Variants in KMT2A observed in about 807,000 individuals in gnomAD.
KMT2A encodes the protein histone-lysine N-methyltransferase 2A.
Under a neutral mutation model 345.3 loss-of-function variants are expected in KMT2A, and 16 were observed. That is an observed-to-expected ratio of 0.05 (90% confidence interval 0.03 to 0.07). The LOEUF is 0.07. Among genes scored for constraint, KMT2A ranks in the 10% least tolerant of loss-of-function variants. KMT2A has a pLI of 1.00. For synonymous variants in KMT2A, 1,599 were observed against 1,778.6 expected, an observed-to-expected ratio of 0.90 and a Z score of 2.54; for missense variants, 3,272 against 4,841.6, an observed-to-expected ratio of 0.68 and a Z score of 9.62.
chr11:118,500,961 T>C, intron 24 of KMT2A, 26 bp from the exon 25 acceptor site: 2 of 1,593,040 alleles, frequency 1.3e-6, no homozygotes, highest in Non-Finnish European at 1.7e-6. Context: ...TCCCTTATGA[T>C]GATTTTCCCA....
intron 31 of KMT2A, among the ~76,000 whole-genome samples, chr11:118,518,721 G>A (rs1555052394): frequency 6.8e-6 from 1 of 146,114 alleles, no homozygotes; most frequent in South Asian, 2.2e-4. Flanking sequence ...AGGTGGAGTT[G>A]TAGCGAGCTG....
intron 1 of KMT2A, among the ~76,000 whole-genome samples, chr11:118,462,083 A>G (rs1555032812): frequency 6.6e-6 from 1 of 152,138 alleles, no homozygotes; most frequent in East Asian, 1.9e-4. Flanking sequence ...CCTCCCGAGT[A>G]GCTGGGACTA....
chr11:118,522,198 A>C lies in KMT2A; in HGVS notation c.*26A>C. On this transcript the variant is annotated 3_prime_UTR_variant, in exon 36 of 36. Coordinates refer to ENST00000534358, the MANE Select transcript of KMT2A (RefSeq NM_001197104.2). The surrounding 1 kb of genome is among the most constrained non-coding windows in gnomAD (Gnocchi z 5.4). ...AGCTGCTCTTCTCCCCCAGTGTTGG[A>C]GTGCAAGGAGGCGGGGCCATCCAAA... The C allele has an allele frequency of 6.2e-7, 1 of 1,609,496 alleles. No individual in the cohort carries two copies. The highest frequency in any genetic ancestry group is 8.5e-7 in the Non-Finnish European group (1 of 1,176,384).
Position 118,526,657 on chromosome 11 carries a change from A to ACTTT in KMT2A, c.*4486_*4489dup. 4.3e-6 allele frequency: 1 copy of ACTTT among 231,862 alleles called. No homozygotes were observed. The highest frequency in any genetic ancestry group is 8.5e-6 in the Non-Finnish European group (1 of 117,250). The allele number at this position is 231,862 out of a possible 1,614,324, so 14.4% of individuals were successfully genotyped here. On this transcript the variant is annotated 3_prime_UTR_variant, in exon 36 of 36. Coordinates refer to ENST00000534358, the MANE Select transcript of KMT2A (RefSeq NM_001197104.2). ...CCCTGTGACAGGGATGAAGGAAAAT[A>ACTTT]CTTTAATAGTTCAAAAAATAATAAT...
intron 25 of KMT2A, among the ~76,000 whole-genome samples, 174 bp downstream of exon 25, chr11:118,501,321 A>G (rs1294809131): frequency 3.3e-5 from 5 of 152,050 alleles, no homozygotes; most frequent in Non-Finnish European, 5.9e-5. Context: ...TTAGCCAGGC[A>G]TGGTGGCAGG....
chr11:118,488,446 G>A lies in KMT2A; in HGVS notation c.4333-168G>A, dbSNP rs572126. 0.74 allele frequency: 524,309 copies of A among 706,098 alleles called. 200,218 individuals are homozygous for A. Among genetic ancestry groups the A allele is most frequent in the Admixed American group, 0.87 (41,622 of 47,898 alleles). The allele number at this position is 706,098 out of a possible 1,614,324, so 43.7% of individuals were successfully genotyped here. On this transcript the variant is annotated intron_variant, in intron 10 of 35. Coordinates refer to ENST00000534358, the MANE Select transcript of KMT2A (RefSeq NM_001197104.2). ...ACTTTAGTACTCTGAATCTCCCGCA[G>A]TGTCCAATACTGTACTTTTTTACAT...
Position 118,477,951 on chromosome 11 carries a change from C to A in KMT2A, c.3335-16C>A. On this transcript the variant is annotated splice_polypyrimidine_tract_variant and intron_variant, in intron 4 of 35. Coordinates refer to ENST00000534358, the MANE Select transcript of KMT2A (RefSeq NM_001197104.2). ...TTCAGTACTCCCTTGGAACTAATGC[C>A]ACATTTCTTTAACAGACAAGTCATC... 6.2e-7 allele frequency: 1 copy of A among 1,607,422 alleles called. No individual in the cohort carries two copies. The highest frequency in any genetic ancestry group is 8.5e-7 in the Non-Finnish European group (1 of 1,174,218).
chr11:118,504,496 G>A lies in KMT2A; in HGVS notation c.8604G>A (p.Glu2868=). The A allele has an allele frequency of 6.2e-7, 1 of 1,614,200 alleles. No individual in the cohort carries two copies. The highest frequency in any genetic ancestry group is 8.5e-7 in the Non-Finnish European group (1 of 1,180,038). Residue 2868 remains glutamate, a synonymous_variant, in exon 27 of 36, where the codon GAG becomes GAA. Coordinates refer to ENST00000534358, the MANE Select transcript of KMT2A (RefSeq NM_001197104.2). This position sits in a 1 kb window ranked among gnomAD's most constrained non-coding sequence, Gnocchi z 6.4. ...KNTPSMQALG[E]SPESSSSELL... is the part of the protein sequence containing the mutation. The stretch of plus-strand genomic sequence containing the variant: ...CTCCATCCATGCAGGCTTTGGGTGA[G>A]AGCCCAGAGTCATCTTCATCAGAAC...
intron 22 of KMT2A, 88 bp from the exon 23 acceptor site, chr11:118,499,215 A>T: frequency 1.2e-6 from 1 of 830,372 alleles, no homozygotes; most frequent in Admixed American, 1.8e-5. Flanking sequence ...GAGATATGCT[A>T]TGTGCCTTCC....
intron 3 of KMT2A, among the ~76,000 whole-genome samples, chr11:118,475,189 A>G (rs1555037220): frequency 6.6e-6 from 1 of 152,160 alleles, no homozygotes; most frequent in African/African-American, 2.4e-5. Flanking sequence ...GCCTTGAGCC[A>G]TGGAACAGGA....
At position 118,471,904 on chromosome 11, in the gene KMT2A, A is replaced by G; in HGVS notation, c.745A>G (p.Lys249Glu). ...KDISELPKGNKEDSLKKIKRT... is the reference protein window; with the variant it reads ...KDISELPKGNEEDSLKKIKRT... Reference sequence around the variant, plus strand: ...CATTTCAGAGTTACCAAAGGGAAACAAAGAAGATAGCCTGAAAAAAATTAA... The same window carrying G: ...CATTTCAGAGTTACCAAAGGGAAACGAAGAAGATAGCCTGAAAAAAATTAA... Residue 249 changes from lysine to glutamate, a missense_variant, in exon 3 of 36, where the codon AAA (lysine) becomes GAA (glutamate). Transcript: ENST00000534358. The G allele has an allele frequency of 6.2e-7, 1 of 1,613,868 alleles. No individual in the cohort carries two copies. Among genetic ancestry groups the G allele is most frequent in the Non-Finnish European group, 8.5e-7 (1 of 1,179,956 alleles).
chr11:118,514,180 C>T (rs1555050913), intron 31 of KMT2A, among the ~76,000 whole-genome samples: 3 of 152,082 alleles, frequency 2.0e-5, no homozygotes, highest in African/African-American at 4.8e-5. Flanking sequence ...TAATCTTCAA[C>T]CCTTACGTAT....
At position 118,491,075 on chromosome 11, in the gene KMT2A, G is replaced by A; in HGVS notation, c.4697-121G>A. 1.1e-6 allele frequency: 1 copy of A among 939,106 alleles called. No homozygotes were observed. The highest frequency in any genetic ancestry group is 1.6e-6 in the Non-Finnish European group (1 of 629,550). The allele number at this position is 939,106 out of a possible 1,614,324, so 58.2% of individuals were successfully genotyped here. A position where few individuals can be genotyped will look rare whatever the true frequency, so the allele number is the denominator to read the frequency against. ...TGTGAACATTCCACAGTAGATCCAT[G>A]CTGGTGTTCATGATCCCAGAAGAAT... On this transcript the variant is annotated intron_variant, in intron 13 of 35. Coordinates refer to ENST00000534358, the MANE Select transcript of KMT2A (RefSeq NM_001197104.2). This position sits in a 1 kb window ranked among gnomAD's most constrained non-coding sequence, Gnocchi z 4.2.
rs1950384427 is a variant in KMT2A, at chr11:118,495,076, G to T, written c.5363+309G>T. 6.6e-6 allele frequency among the ~76,000 whole-genome samples: 1 copy of T among 151,840 alleles called. No individual in the cohort carries two copies. The highest frequency in any genetic ancestry group is 2.1e-4 in the South Asian group (1 of 4,810). Reference sequence around the variant, plus strand: ...GTTCTGTTTGACTGATAGTTCAAATGGTGCTTTGTACTGCTCTTGATTTTC... The same window carrying T: ...GTTCTGTTTGACTGATAGTTCAAATTGTGCTTTGTACTGCTCTTGATTTTC... On this transcript the variant is annotated intron_variant, in intron 18 of 35. Transcript: ENST00000534358. The surrounding 1 kb of genome is among the most constrained non-coding windows in gnomAD (Gnocchi z 4.1).
intron 2 of KMT2A, among the ~76,000 whole-genome samples, chr11:118,470,767 T>A (rs1949929737): frequency 6.6e-6 from 1 of 152,214 alleles, no homozygotes; most frequent in Admixed American, 6.5e-5. Flanking sequence ...AAAAGAAGAT[T>A]TGATAAAATA....
chr11:118,488,964 A>G (rs1950279451), intron 11 of KMT2A, among the ~76,000 whole-genome samples: 1 of 152,178 alleles, frequency 6.6e-6, no homozygotes, highest in Non-Finnish European at 1.5e-5. Flanking sequence ...TATGATAAGT[A>G]ATCTAGAGAT....
Position 118,505,645 on chromosome 11 carries a change from G to A in KMT2A, c.9753G>A (p.Val3251=). 1 of 1,614,082 alleles carries A rather than the reference G, an allele frequency of 6.2e-7. No homozygotes were observed. The highest frequency in any genetic ancestry group is 8.5e-7 in the Non-Finnish European group (1 of 1,180,008). Residue 3251 remains valine (V), a synonymous_variant, in exon 27 of 36, where the codon GTG becomes GTA. Transcript: ENST00000534358. This position sits in a 1 kb window ranked among gnomAD's most constrained non-coding sequence, Gnocchi z 4.6. ...CTTCAAACATTGCCCCTTCTGATGT[G>A]GTTTCTAATATGACATTGATTAACT... ...STPSNIAPSD[V]VSNMTLINFT... is the part of the protein sequence containing the mutation.
At chr11:118,508,717 T>G (rs1950632038) in intron 28 of KMT2A, among the ~76,000 whole-genome samples, 1 of 140,124 alleles carries the variant, frequency 7.1e-6, no homozygotes, top group Non-Finnish European at 1.5e-5. Flanking sequence ...TGAGAACCTA[T>G]CTCAAAAAAA....
chr11:118,444,827 A>C (rs192084444), intron 1 of KMT2A, among the ~76,000 whole-genome samples: 14 of 152,250 alleles, frequency 9.2e-5, no homozygotes, highest in Admixed American at 5.9e-4. Context: ...CCCCTACCTC[A>C]GCCTCCCAAA....
Sources: allele counts gnomAD v4.1 joint callset (sites outside exome capture counted in the v4.1 genomes callset), GRCh38; gene constraint gnomAD v4.1.1; non-coding constraint Gnocchi (gnomAD v3.1); transcripts MANE v1.5; gene names NCBI Gene and HGNC (gene_info 2026-07-23, HGNC 2026-07-21).